ASTN2: variants seen among roughly 807,000 people sequenced by gnomAD.
The protein encoded by ASTN2 is astrotactin 2.
A neutral mutation model predicts 139.8 loss-of-function variants in ASTN2; 54 were observed. The observed-to-expected ratio is 0.39, with a 90% CI of 0.31 to 0.48. ASTN2 has a LOEUF of 0.48. ASTN2 is among the 20% of genes least tolerant of loss of function. The pLI is 0.95. For missense variants in ASTN2, 1,565 were observed against 1,725.1 expected, an observed-to-expected ratio of 0.91 and a Z score of 1.64; for synonymous variants, 756 against 719.5, an observed-to-expected ratio of 1.05 and a Z score of -0.81.
chr9:117,183,289 G>T (rs941648414), intron 3 of ASTN2, among the ~76,000 whole-genome samples: 3 of 152,182 alleles, frequency 2.0e-5, no homozygotes, highest in Admixed American at 2.0e-4. Context: ...GTAAATGAAT[G>T]AATGAATGAA....
rs778035983 is a variant in ASTN2, at chr9:116,975,391, A to C, written c.1752-46T>G. 30 of 1,528,430 alleles carry C rather than the reference A, an allele frequency of 2.0e-5. No individual in the cohort carries two copies. In the South Asian group the frequency reaches 4.0e-4, roughly 20 times the overall value. The allele number at this position is 1,528,430 out of a possible 1,614,324, so 94.7% of individuals were successfully genotyped here. Reference sequence around the variant, plus strand: ...TTGGGGAACTCCCTGGGAAGCAGAGAGCAAACAGAAAAAAGGGGCCCCTGT... The same window carrying C: ...TTGGGGAACTCCCTGGGAAGCAGAGCGCAAACAGAAAAAAGGGGCCCCTGT... On this transcript the variant is annotated intron_variant, in intron 9 of 22. Transcript: ENST00000313400.
At chr9:117,024,081 T>C (rs1367969246) in intron 6 of ASTN2, among the ~76,000 whole-genome samples, 1 of 152,112 alleles carries the variant, frequency 6.6e-6, no homozygotes, top group Non-Finnish European at 1.5e-5. Context: ...ACCAGTCTCA[T>C]CCCATCCTCA....
chr9:117,118,630 A>C (rs1829463760), intron 4 of ASTN2, among the ~76,000 whole-genome samples: 1 of 152,214 alleles, frequency 6.6e-6, no homozygotes, highest in South Asian at 2.1e-4. Flanking sequence ...ACTAGTCTCC[A>C]ATGGATGCTC....
chr9:117,272,272 C>T (rs2210768), intron 2 of ASTN2, among the ~76,000 whole-genome samples: 17,307 of 152,276 alleles, frequency 0.11, 1,316 homozygotes, highest in South Asian at 0.16. Context: ...CCCCTTTCAG[C>T]CACGCTGGAG....
intron 1 of ASTN2, among the ~76,000 whole-genome samples, chr9:117,301,647 G>A (rs1834878046): frequency 6.6e-6 from 1 of 152,180 alleles, no homozygotes; most frequent in Admixed American, 6.5e-5. Flanking sequence ...ATGCCAGGAG[G>A]TGTGATATGA....
intron 6 of ASTN2, among the ~76,000 whole-genome samples, chr9:117,036,623 C>G (rs557678835): frequency 6.6e-6 from 1 of 152,162 alleles, no homozygotes; most frequent in Non-Finnish European, 1.5e-5. Flanking sequence ...AGATACCAGG[C>G]AATCAGGAGC....
At chr9:117,217,158 AG>A (rs1832350401) in intron 2 of ASTN2, among the ~76,000 whole-genome samples, 1 of 152,136 alleles carries the variant, frequency 6.6e-6, no homozygotes, top group Admixed American at 6.5e-5. Flanking sequence ...GTGCATGAAA[AG>A]GGAAAAGGAA....
chr9:116,653,155 G>A (rs920336882), intron 16 of ASTN2, among the ~76,000 whole-genome samples: 9 of 152,192 alleles, frequency 5.9e-5, no homozygotes, highest in Admixed American at 1.3e-4. Context: ...AACATGGTGC[G>A]ACGGATGTAT....
chr9:116,696,674 T>G (rs566081602), intron 16 of ASTN2, among the ~76,000 whole-genome samples: 2 of 152,186 alleles, frequency 1.3e-5, no homozygotes, highest in Non-Finnish European at 1.5e-5. Flanking sequence ...ACTTTCTGCC[T>G]TCATTATTAT....
At chr9:116,774,389 A>C (rs143117409) in intron 13 of ASTN2, among the ~76,000 whole-genome samples, 1 of 152,184 alleles carries the variant, frequency 6.6e-6, no homozygotes, top group Non-Finnish European at 1.5e-5. Flanking sequence ...TGGATCCATG[A>C]AAGTAAGCTA....
At chr9:117,391,052 G>A (rs1408800253) in intron 1 of ASTN2, among the ~76,000 whole-genome samples, 1 of 152,134 alleles carries the variant, frequency 6.6e-6, no homozygotes, top group Non-Finnish European at 1.5e-5. Flanking sequence ...AACCATAGAT[G>A]GAAACTCACA....
chr9:116,889,799 C>T (rs1217469978), intron 10 of ASTN2, among the ~76,000 whole-genome samples: 1 of 151,504 alleles, frequency 6.6e-6, no homozygotes. Context: ...GATGTGGTGG[C>T]ACATGCCTGT....
At chr9:116,781,307 T>C (rs1171559763) in intron 13 of ASTN2, among the ~76,000 whole-genome samples, 2 of 152,096 alleles carry the variant, frequency 1.3e-5, no homozygotes, top group Admixed American at 6.5e-5. Context: ...AAAAATAAAC[T>C]AAATCAACAT....
At chr9:116,748,830 AT>A (rs1218573672) in intron 13 of ASTN2, among the ~76,000 whole-genome samples, 11 of 152,060 alleles carry the variant, frequency 7.2e-5, no homozygotes, top group African/African-American at 2.4e-4. Flanking sequence ...TGAGCAAGTC[AT>A]TTCCCATCTC....
intron 13 of ASTN2, among the ~76,000 whole-genome samples, chr9:116,746,091 T>C (rs1480939351): frequency 6.7e-6 from 1 of 149,842 alleles, no homozygotes; most frequent in East Asian, 1.9e-4. Flanking sequence ...TACTTTTTTT[T>C]TTTTTTTTTT....
At chr9:116,436,872 T>C (rs1041177539) in intron 22 of ASTN2, among the ~76,000 whole-genome samples, 5 of 151,812 alleles carry the variant, frequency 3.3e-5, no homozygotes, top group Non-Finnish European at 7.4e-5. Context: ...TGGAATACTA[T>C]GCAGCCATAA....
chr9:116,987,455 C>T (rs1836722063), intron 7 of ASTN2, among the ~76,000 whole-genome samples: 1 of 152,192 alleles, frequency 6.6e-6, no homozygotes, highest in African/African-American at 2.4e-5. Flanking sequence ...TGGCCCCCTT[C>T]ACTCTCTCTC....
intron 1 of ASTN2, among the ~76,000 whole-genome samples, chr9:117,306,584 A>T (rs1488564356): frequency 2.0e-5 from 3 of 152,188 alleles, no homozygotes; most frequent in African/African-American, 7.2e-5. Flanking sequence ...GGATTTACTA[A>T]AGAATGCTGT....
chr9:117,134,291 TATATACACACACACACACACAC>T (rs1253906003), intron 4 of ASTN2, among the ~76,000 whole-genome samples: 29 of 53,662 alleles, frequency 5.4e-4, no homozygotes, highest in African/African-American at 1.7e-3. Flanking sequence ...TATATATATA[TATATACACACACACACACACAC>T]ACACACACAC....
Sources: gnomAD v4.1 joint callset for allele counts (sites outside exome capture counted in the v4.1 genomes callset) on GRCh38, gnomAD v4.1.1 for gene constraint, MANE v1.5 for transcripts, NCBI Gene and HGNC (gene_info 2026-07-23, HGNC 2026-07-21) for gene names.